Variants in ARL15 observed in about 807,000 individuals in gnomAD.
The protein encoded by ARL15 is ADP-ribosylation factor-like protein 15.
ARL15 carries 19 observed loss-of-function variants against 25.2 expected under a neutral mutation model. The observed-to-expected ratio is 0.75, with a 90% CI of 0.53 to 1.10. The LOEUF is 1.10. ARL15 is among the 50% of genes least tolerant of loss of function. The pLI, the probability that ARL15 is intolerant of heterozygous loss-of-function variation, is 0.00. For missense variants in ARL15, 220 were observed against 246.0 expected, an observed-to-expected ratio of 0.89 and a Z score of 0.71; for synonymous variants, 94 against 86.8, an observed-to-expected ratio of 1.08 and a Z score of -0.46.
At chr5:54,268,305 C>T (rs1275353495) in intron 1 of ARL15, among the ~76,000 whole-genome samples, 2 of 152,118 alleles carry the variant, frequency 1.3e-5, no homozygotes. Context: ...CGAGCCTTGG[C>T]TTTCAGCTCC....
At chr5:54,119,438 C>A (rs1252184626) in intron 3 of ARL15, among the ~76,000 whole-genome samples, 7 of 152,074 alleles carry the variant, frequency 4.6e-5, no homozygotes, top group Admixed American at 4.6e-4. Flanking sequence ...ACTCCTATTG[C>A]TTATAAATTA....
Position 53,886,651 on chromosome 5 carries a change from G to A in ARL15, c.525C>T (p.Cys175=). 1 of 1,575,828 alleles carries A rather than the reference G, an allele frequency of 6.3e-7. No homozygotes were observed. The highest frequency in any genetic ancestry group is 8.6e-7 in the Non-Finnish European group (1 of 1,159,084). ...ARGKRWILQP[C]SLDDMDALKD... is the part of the protein sequence containing the mutation. ...TCAGTGCATCCATGTCATCCAGTGA[G>A]CAGGGCTGTAGAATCCAGCGTTTTC... Residue 175 remains cysteine, a synonymous_variant, in exon 5 of 5, where the codon TGC becomes TGT. Coordinates refer to ENST00000504924, the MANE Select transcript of ARL15 (RefSeq NM_019087.3).
At chr5:54,116,112 G>T (rs1422904419) in intron 3 of ARL15, among the ~76,000 whole-genome samples, 1 of 152,192 alleles carries the variant, frequency 6.6e-6, no homozygotes, top group African/African-American at 2.4e-5. Flanking sequence ...AAAGGCAAGG[G>T]AGCTGAGCTA....
At position 53,989,077 on chromosome 5, in the gene ARL15, A is replaced by C. The variant is rs535156361; in HGVS notation, c.463-102364T>G. Among the ~76,000 whole-genome samples the C allele has an allele frequency of 1.6e-4, 24 of 152,274 alleles. 1 individual carries two copies. The South Asian group carries it at 4.0e-3, about 25-fold the overall frequency. On this transcript the variant is annotated intron_variant, in intron 4 of 4. Transcript: ENST00000504924. ...CAGGATTTGGGGAGGAGAATGGATA[A>C]TTGAAAGAGTCCAGACTATGCAGTC...
chr5:54,199,736 C>T (rs792753), intron 1 of ARL15, among the ~76,000 whole-genome samples: 3,438 of 149,070 alleles, frequency 0.023, 51 homozygotes, highest in South Asian at 0.058. Flanking sequence ...GTCAGTGTGG[C>T]GATTCCTCAG....
intron 1 of ARL15, among the ~76,000 whole-genome samples, chr5:54,204,523 T>C (rs954491351): frequency 6.6e-6 from 1 of 152,188 alleles, no homozygotes; most frequent in African/African-American, 2.4e-5. Flanking sequence ...CATTATCCCC[T>C]TGGCAATTAC....
At chr5:54,143,863 T>C (rs1235353927) in intron 3 of ARL15, among the ~76,000 whole-genome samples, 1 of 152,072 alleles carries the variant, frequency 6.6e-6, no homozygotes, top group Non-Finnish European at 1.5e-5. Flanking sequence ...TCTTAAAAAT[T>C]CATTTATGAA....
chr5:54,287,303 G>A (rs560473862), intron 1 of ARL15, among the ~76,000 whole-genome samples: 1 of 152,102 alleles, frequency 6.6e-6, no homozygotes, highest in African/African-American at 2.4e-5. Flanking sequence ...ACATACCTGT[G>A]CCAGACAAGT....
chr5:53,976,413 G>C lies in ARL15; in HGVS notation c.463-89700C>G, dbSNP rs73754404. 7.0e-3 allele frequency among the ~76,000 whole-genome samples: 1,062 copies of C among 152,338 alleles called. 13 individuals are homozygous for C. Among genetic ancestry groups the C allele is most frequent in the African/African-American group, 0.024 (998 of 41,564 alleles). On this transcript the variant is annotated intron_variant, in intron 4 of 4. Transcript: ENST00000504924. ...CAGAGTGGCTGGAAATAAGTGATGA[G>C]GGGCTTCTATGCATAGAGCGTCTTC...
At chr5:54,032,617 A>C (rs575651973) in intron 4 of ARL15, among the ~76,000 whole-genome samples, 2 of 152,050 alleles carry the variant, frequency 1.3e-5, no homozygotes, top group Non-Finnish European at 2.9e-5. Flanking sequence ...AAAATGTGAC[A>C]GGCAAGAGAA....
intron 4 of ARL15, among the ~76,000 whole-genome samples, chr5:54,015,086 A>G (rs1749374823): frequency 6.6e-6 from 1 of 151,964 alleles, no homozygotes; most frequent in South Asian, 2.1e-4. Context: ...TGAAGTCAGG[A>G]GTTCGAGACC....
At chr5:53,923,849 A>T (rs1290475406) in intron 4 of ARL15, among the ~76,000 whole-genome samples, 1 of 151,962 alleles carries the variant, frequency 6.6e-6, no homozygotes, top group Non-Finnish European at 1.5e-5. Flanking sequence ...TGGGCAACAG[A>T]GCAAGACTCC....
chr5:53,926,962 T>A (rs572254946), intron 4 of ARL15, among the ~76,000 whole-genome samples: 1 of 149,974 alleles, frequency 6.7e-6, no homozygotes, highest in East Asian at 2.0e-4. Flanking sequence ...AAAAAAAAAA[T>A]AAAGTCCAAA....
chr5:54,240,284 A>C (rs1355184762), intron 1 of ARL15, among the ~76,000 whole-genome samples: 1 of 148,844 alleles, frequency 6.7e-6, no homozygotes, highest in Non-Finnish European at 1.5e-5. Context: ...GCTTTGTAAT[A>C]TTCAAGTCAT....
chr5:54,211,003 T>C (rs1284312029), intron 1 of ARL15, among the ~76,000 whole-genome samples: 1 of 152,236 alleles, frequency 6.6e-6, no homozygotes. Context: ...TTTTAATAAG[T>C]AGTTTTTGCT....
intron 1 of ARL15, among the ~76,000 whole-genome samples, chr5:54,250,761 T>C (rs1045182084): frequency 1.4e-4 from 21 of 152,172 alleles, no homozygotes; most frequent in African/African-American, 5.1e-4. Flanking sequence ...GGGAGAACCA[T>C]GTTGGCTGTG....
intron 4 of ARL15, among the ~76,000 whole-genome samples, chr5:54,080,612 A>C (rs1247854273): frequency 6.6e-6 from 1 of 152,240 alleles, no homozygotes; most frequent in Non-Finnish European, 1.5e-5. Flanking sequence ...TGTTAAAACC[A>C]ACTATTTGAG....
chr5:54,061,652 A>G (rs1751065544), intron 4 of ARL15, among the ~76,000 whole-genome samples: 1 of 152,194 alleles, frequency 6.6e-6, no homozygotes, highest in African/African-American at 2.4e-5. Context: ...GGGAACCTCC[A>G]CCTAGATTTG....
intron 1 of ARL15, among the ~76,000 whole-genome samples, chr5:54,203,256 T>C (rs985216961): frequency 6.6e-6 from 1 of 152,150 alleles, no homozygotes; most frequent in African/African-American, 2.4e-5. Flanking sequence ...ACAGAAAATA[T>C]AATTATCCCT....
Sources: allele counts gnomAD v4.1 joint callset (sites outside exome capture counted in the v4.1 genomes callset), GRCh38; gene constraint gnomAD v4.1.1; transcripts MANE v1.5; gene names NCBI Gene and HGNC (gene_info 2026-07-23, HGNC 2026-07-21).